Variants in GLIS1 observed in about 807,000 individuals in gnomAD.
The protein encoded by GLIS1 is zinc finger protein GLIS1.
In GLIS1, 24 loss-of-function variants were observed where a neutral mutation model predicts 63.8. That is an observed-to-expected ratio of 0.38 (90% confidence interval 0.27 to 0.53). GLIS1 has a LOEUF of 0.53. Ranked by LOEUF, GLIS1 falls within the 20% of genes least tolerant of loss-of-function variation. GLIS1 has a pLI of 0.85. For missense variants in GLIS1, 1,036 were observed against 1,074.1 expected (o/e 0.96, Z 0.50); for synonymous variants, 450 against 482.5 (o/e 0.93, Z 0.88).
At chr1:53,532,653 T>C (rs181066868) in intron 4 of GLIS1, among the ~76,000 whole-genome samples, 23 of 152,206 alleles carry the variant, frequency 1.5e-4, no homozygotes, top group African/African-American at 5.5e-4. Flanking sequence ...GGCTGGAGAG[T>C]GGGGCTTCCT....
At chr1:53,512,182 C>A (rs189112935) in intron 8 of GLIS1, among the ~76,000 whole-genome samples, 1 of 152,332 alleles carries the variant, frequency 6.6e-6, no homozygotes, top group African/African-American at 2.4e-5. Flanking sequence ...GCAGACATGA[C>A]GCCTGAGGCT....
At position 53,583,849 on chromosome 1, in the gene GLIS1, G is replaced by C. The variant is rs531026355; in HGVS notation, c.1320+10259C>G. 1.1e-4 allele frequency among the ~76,000 whole-genome samples: 17 copies of C among 152,342 alleles called. No individual in the cohort carries two copies. The South Asian group carries it at 3.5e-3, about 32-fold the overall frequency. On this transcript the variant is annotated intron_variant, in intron 4 of 10. Coordinates refer to ENST00000628545, the MANE Select transcript of GLIS1 (RefSeq NM_001367484.1). ...GACGGGTGGAAAACAAAGAACAGTT[G>C]TGCAAACTTTACGGAACCACATTAT... is the stretch of plus-strand genomic sequence containing the variant.
chr1:53,694,897 C>T (rs10888804), intron 2 of GLIS1, among the ~76,000 whole-genome samples: 38,204 of 151,868 alleles, frequency 0.25, 5,133 homozygotes, highest in African/African-American at 0.36. Context: ...ATCGTGCCTG[C>T]AAACAGCCAC....
At chr1:53,623,957 T>C (rs796228319) in intron 2 of GLIS1, among the ~76,000 whole-genome samples, 2 of 152,258 alleles carry the variant, frequency 1.3e-5, no homozygotes, top group South Asian at 4.1e-4. Context: ...AATATTAAGA[T>C]GTCAATTCTA....
At chr1:53,708,596 G>A (rs1408557226) in intron 2 of GLIS1, among the ~76,000 whole-genome samples, 1 of 152,060 alleles carries the variant, frequency 6.6e-6, no homozygotes, top group African/African-American at 2.4e-5. Flanking sequence ...TAGCAAGTCA[G>A]CAGCCAGGCT....
intron 2 of GLIS1, among the ~76,000 whole-genome samples, chr1:53,687,515 A>C (rs1196309480): frequency 2.0e-5 from 3 of 152,072 alleles, no homozygotes; most frequent in African/African-American, 4.8e-5. Flanking sequence ...ACCCGAGTAC[A>C]TCCCCGCTCT....
At position 53,668,855 on chromosome 1, in the gene GLIS1, A is replaced by G. The variant is rs1405328645; in HGVS notation, c.260-68577T>C. ...CTACGACACGTCTCAGAACGTATCC[A>G]CAACACTGGGCAATGCATGACTCTG... is the stretch of plus-strand genomic sequence containing the variant. On this transcript the variant is annotated intron_variant, in intron 2 of 10. Transcript: ENST00000628545. Among the ~76,000 whole-genome samples the G allele has an allele frequency of 2.6e-5, 4 of 152,176 alleles. 1 individual carries two copies. In the South Asian group the frequency reaches 8.3e-4, roughly 32 times the overall value.
rs75806007 is a variant in GLIS1 at position 53,652,562 on chromosome 1, C to T, written c.260-52284G>A. On this transcript the variant is annotated intron_variant, in intron 2 of 10. Coordinates refer to ENST00000628545, the MANE Select transcript of GLIS1 (RefSeq NM_001367484.1). Reference sequence around the variant, plus strand: ...GTCCCTGGGCCCTATGACCATGAGCCCCTGGAGGGCAGGGATAGTGTCTGA... The same window carrying T: ...GTCCCTGGGCCCTATGACCATGAGCTCCTGGAGGGCAGGGATAGTGTCTGA... 7.3e-3 allele frequency among the ~76,000 whole-genome samples: 1,119 copies of T among 152,246 alleles called. 24 individuals are homozygous for T. The highest frequency in any genetic ancestry group is 0.026 in the African/African-American group (1,088 of 41,546).
intron 2 of GLIS1, among the ~76,000 whole-genome samples, chr1:53,694,850 T>C (rs1646447903): frequency 6.6e-6 from 1 of 152,180 alleles, no homozygotes; most frequent in Non-Finnish European, 1.5e-5. Flanking sequence ...ACAACGGTAC[T>C]GGTACGGAAG....
At chr1:53,724,819 G>A (rs1646789336) in intron 2 of GLIS1, among the ~76,000 whole-genome samples, 1 of 152,172 alleles carries the variant, frequency 6.6e-6, no homozygotes, top group East Asian at 1.9e-4. Context: ...GACTACAGGT[G>A]CATGGCTGTT....
At chr1:53,566,381 T>A (rs1177210756) in intron 4 of GLIS1, among the ~76,000 whole-genome samples, 1 of 152,200 alleles carries the variant, frequency 6.6e-6, no homozygotes, top group African/African-American at 2.4e-5. Context: ...TAAGCAATTA[T>A]AGCAAGGTTG....
intron 4 of GLIS1, among the ~76,000 whole-genome samples, chr1:53,577,863 T>A (rs1240936200): frequency 6.6e-6 from 1 of 152,050 alleles, no homozygotes; most frequent in Admixed American, 6.5e-5. Flanking sequence ...GTAGACATTC[T>A]CTCCTCCTCT....
intron 2 of GLIS1, among the ~76,000 whole-genome samples, chr1:53,656,092 G>C (rs1321492785): frequency 1.3e-5 from 2 of 152,212 alleles, no homozygotes; most frequent in African/African-American, 4.8e-5. Context: ...AGGGGGGTTG[G>C]CTCTCAGCTT....
chr1:53,594,367 A>T lies in GLIS1; in HGVS notation c.1061T>A (p.Leu354His). The change falls in exon 4 of 11, where the codon CTT becomes CAT. Residue 354 changes from leucine (L) to histidine (H), a missense_variant. Around this residue, in one of 3 missense-constraint regions of GLIS1, gnomAD observed 592 missense variants for 593.9 expected, o/e 1.00. Coordinates refer to ENST00000628545, the MANE Select transcript of GLIS1 (RefSeq NM_001367484.1). ...TGCCAGGCCCAGCCCCAGGCCTCCA[A>T]GGCTTGGGCCAGGCGGCAACTGAGA... ...PLSQLPPGPS[L>H]GGLGLGLAGR... 6.2e-7 allele frequency: 1 copy of T among 1,611,498 alleles called. No individual in the cohort carries two copies.
chr1:53,552,171 C>A (rs941032755), intron 4 of GLIS1, among the ~76,000 whole-genome samples: 1 of 152,136 alleles, frequency 6.6e-6, no homozygotes, highest in African/African-American at 2.4e-5. Context: ...AGAAGCCCCG[C>A]CAAAGCCCAA....
intron 2 of GLIS1, among the ~76,000 whole-genome samples, chr1:53,667,982 C>T (rs1646111910): frequency 6.6e-6 from 1 of 152,222 alleles, no homozygotes; most frequent in Admixed American, 6.5e-5. Flanking sequence ...CACAGCCCCA[C>T]CTTATTTGGT....
chr1:53,700,237 C>A (rs11206198), intron 2 of GLIS1, among the ~76,000 whole-genome samples: 37,859 of 152,112 alleles, frequency 0.25, 5,035 homozygotes, highest in African/African-American at 0.35. Context: ...TGGATGCGCC[C>A]CCCAGGCCAC....
chr1:53,714,627 G>A (rs115949401), intron 2 of GLIS1, among the ~76,000 whole-genome samples: 53 of 152,348 alleles, frequency 3.5e-4, no homozygotes, highest in African/African-American at 1.2e-3. Context: ...GCTCACATGA[G>A]ATTAACAAGA....
intron 2 of GLIS1, among the ~76,000 whole-genome samples, chr1:53,703,731 C>T (rs1646548463): frequency 6.6e-6 from 1 of 151,438 alleles, no homozygotes; most frequent in Non-Finnish European, 1.5e-5. Flanking sequence ...GACCACAGAG[C>T]AAACTAGTCT....
Sources: allele counts gnomAD v4.1 joint callset (sites outside exome capture counted in the v4.1 genomes callset), GRCh38; gene constraint gnomAD v4.1.1; regional missense constraint gnomAD v4.1.1; transcripts MANE v1.5; gene names NCBI Gene and HGNC (gene_info 2026-07-23, HGNC 2026-07-21).